TEX36: variants seen among roughly 807,000 people sequenced by gnomAD.
TEX36 encodes the protein testis-expressed protein 36.
A neutral mutation model predicts 13.6 loss-of-function variants in TEX36; 12 were observed. The ratio of observed to expected loss-of-function variants is 0.88; its 90% CI spans 0.56 to 1.43. The LOEUF (loss-of-function observed/expected upper bound fraction) is 1.43, where lower values mean the gene tolerates loss of function less well. Ranked by LOEUF, TEX36 falls within the 40% of genes most tolerant of loss-of-function variation. The pLI, the probability that TEX36 is intolerant of heterozygous loss-of-function variation, is 0.00. For missense variants in TEX36, 224 were observed against 228.3 expected (o/e 0.98, Z 0.12); for synonymous variants, 93 against 83.0 (o/e 1.12, Z -0.65).
At chr10:125,595,822 A>G (rs1438313028) in intron 3 of TEX36, among the ~76,000 whole-genome samples, 1 of 152,184 alleles carries the variant, frequency 6.6e-6, no homozygotes, top group African/African-American at 2.4e-5. Flanking sequence ...TCTGCCTAGT[A>G]CATAGCATTA....
intron 3 of TEX36, among the ~76,000 whole-genome samples, chr10:125,614,259 T>C (rs1846328338): frequency 2.6e-5 from 4 of 152,252 alleles, no homozygotes; most frequent in South Asian, 2.1e-4. Context: ...GTAGTTTCTT[T>C]TGCTGTGCAG....
intron 1 of TEX36, among the ~76,000 whole-genome samples, chr10:125,666,580 T>C (rs1457058458): frequency 6.6e-6 from 1 of 152,222 alleles, no homozygotes; most frequent in Non-Finnish European, 1.5e-5. Context: ...CTTTTTGATG[T>C]GCTGTTGCAT....
chr10:125,656,224 G>A, intron 3 of TEX36, 28 bp from the exon 4 acceptor site: 1 of 1,037,924 alleles, frequency 9.6e-7, no homozygotes, highest in African/African-American at 1.6e-5. Flanking sequence ...AAGATTCGAA[G>A]GAAAATATTC....
At chr10:125,576,903 A>G (rs1394037139) in intron 3 of TEX36, 1 of 1,536,000 alleles carries the variant, frequency 6.5e-7, no homozygotes, top group South Asian at 1.2e-5. Flanking sequence ...ATGTAGAACC[A>G]TGAGTAGTTG....
At chr10:125,671,939 T>C (rs187926143) in intron 1 of TEX36, among the ~76,000 whole-genome samples, 3 of 152,356 alleles carry the variant, frequency 2.0e-5, no homozygotes, top group African/African-American at 7.2e-5. Context: ...TAATATTCTC[T>C]GATGTTTGGT....
chr10:125,653,205 C>T (rs1219663344), downstream of TEX36, among the ~76,000 whole-genome samples: 5 of 152,188 alleles, frequency 3.3e-5, no homozygotes, highest in East Asian at 9.7e-4. Flanking sequence ...TATTGTGGCA[C>T]TATTCACAAT....
At chr10:125,602,592 T>C (rs1188821435) in intron 3 of TEX36, among the ~76,000 whole-genome samples, 1 of 152,180 alleles carries the variant, frequency 6.6e-6, no homozygotes, top group Non-Finnish European at 1.5e-5. Flanking sequence ...GATTCATTCA[T>C]TCATTCATCA....
At chr10:125,679,182 A>G (rs1270084847) in intron 1 of TEX36, among the ~76,000 whole-genome samples, 3 of 143,070 alleles carry the variant, frequency 2.1e-5, no homozygotes, top group Non-Finnish European at 4.5e-5. Context: ...TCCAGTGTCA[A>G]TTTGTGCCTC....
intron 3 of TEX36, among the ~76,000 whole-genome samples, chr10:125,616,383 T>C (rs1411900116): frequency 7.0e-5 from 10 of 142,340 alleles, no homozygotes; most frequent in Non-Finnish European, 1.5e-4. Flanking sequence ...TGTTAGGGTG[T>C]CAATTTTGGA....
At chr10:125,681,930 A>G (rs1014839313) in intron 1 of TEX36, among the ~76,000 whole-genome samples, 15 of 152,234 alleles carry the variant, frequency 9.9e-5, no homozygotes, top group African/African-American at 3.6e-4. Context: ...GTTGTATCCA[A>G]GTGGGTAGAT....
chr10:125,633,123 CA>C lies in TEX36; in HGVS notation c.265-11479del, dbSNP rs1186721888. Among the ~76,000 whole-genome samples the C allele has an allele frequency of 5.4e-3, 764 of 142,288 alleles. 5 individuals carry two copies. The highest frequency in any genetic ancestry group is 0.04 in the East Asian group (198 of 4,944). 93.3% of individuals were successfully genotyped at this position (142,288 alleles called of 152,430 possible). A position where few individuals can be genotyped will look rare whatever the true frequency, so the allele number is the denominator to read the frequency against. ...TGGGTGACAGAATGAGACCCTGTCT[CA>C]AAAAAAAAAAAATTATATGCATACT... On this transcript the variant is annotated intron_variant, in intron 3 of 3. Transcript: ENST00000526819.
At chr10:125,663,183 A>C (rs940803156) in intron 1 of TEX36, among the ~76,000 whole-genome samples, 1 of 152,200 alleles carries the variant, frequency 6.6e-6, no homozygotes, top group Admixed American at 6.5e-5. Context: ...TGGGAATAAT[A>C]ATACCTACCT....
In TEX36 at chr10:125,636,372, A is replaced by ATTTTTTT. The variant is rs1173411320; in HGVS notation, c.265-14734_265-14728dup. Among the ~76,000 whole-genome samples the ATTTTTTT allele has an allele frequency of 2.3e-3, 325 of 142,646 alleles. 2 individuals are homozygous for ATTTTTTT. The highest frequency in any genetic ancestry group is 8.0e-3 in the African/African-American group (310 of 38,708). The allele number at this position is 142,646 out of a possible 152,430, so 93.6% of individuals were successfully genotyped here. A position where few individuals can be genotyped will look rare whatever the true frequency, so the allele number is the denominator to read the frequency against. Reference sequence around the variant, plus strand: ...AGGCGCCCGCTACCACACCCGGCTAATTTTTTTTTTTTTATATATTTTTAG... The same window carrying ATTTTTTT: ...AGGCGCCCGCTACCACACCCGGCTAATTTTTTTTTTTTTTTTTTTTATATATTTTTAG... On this transcript the variant is annotated intron_variant, in intron 3 of 3. Transcript: ENST00000526819.
At chr10:125,599,950 C>T (rs1021662818) in intron 3 of TEX36, among the ~76,000 whole-genome samples, 8 of 152,286 alleles carry the variant, frequency 5.3e-5, no homozygotes, top group South Asian at 4.2e-4. Context: ...CTCTAGACTT[C>T]GGGATCCATG....
intron 3 of TEX36, among the ~76,000 whole-genome samples, chr10:125,632,600 G>A (rs1277106173): frequency 6.6e-6 from 1 of 152,152 alleles, no homozygotes; most frequent in African/African-American, 2.4e-5. Flanking sequence ...AGAGAAGCTG[G>A]TAAAAGTGAT....
intron 3 of TEX36, among the ~76,000 whole-genome samples, chr10:125,580,645 G>A (rs575155954): frequency 9.8e-5 from 15 of 152,316 alleles, no homozygotes; most frequent in African/African-American, 1.4e-4. Context: ...ACTGAAGCCC[G>A]CTAGGTGGGC....
intron 3 of TEX36, among the ~76,000 whole-genome samples, chr10:125,625,455 G>A (rs1018913745): frequency 1.3e-5 from 2 of 152,166 alleles, no homozygotes; most frequent in African/African-American, 4.8e-5. Context: ...TTATTTTGAT[G>A]TTCTGGATCA....
At chr10:125,600,196 T>A (rs564610703) in intron 3 of TEX36, among the ~76,000 whole-genome samples, 75 of 152,322 alleles carry the variant, frequency 4.9e-4, no homozygotes, top group Non-Finnish European at 1.0e-3. Context: ...ATCCAATTAC[T>A]TTCTCAGAAA....
chr10:125,583,053 A>G (rs1845902320), intron 3 of TEX36, among the ~76,000 whole-genome samples: 1 of 152,232 alleles, frequency 6.6e-6, no homozygotes, highest in African/African-American at 2.4e-5. Context: ...CCTACCACAC[A>G]ATCAGAAATG....
Sources: gnomAD v4.1 joint callset for allele counts (sites outside exome capture counted in the v4.1 genomes callset) on GRCh38, gnomAD v4.1.1 for gene constraint, MANE v1.5 for transcripts, NCBI Gene and HGNC (gene_info 2026-07-23, HGNC 2026-07-21) for gene names.